The following LRRN2 variants were observed in gnomAD, a reference collection of about 807,000 sequenced individuals.
LRRN2 encodes leucine rich repeat neuronal 2.
Under a neutral mutation model 35.7 loss-of-function variants are expected in LRRN2, and 10 were observed. That is an observed-to-expected ratio of 0.28 (90% CI 0.17 to 0.47). The LOEUF (loss-of-function observed/expected upper bound fraction) is 0.47, where lower values mean the gene tolerates loss of function less well. LRRN2 is among the 20% of genes least tolerant of loss of function. LRRN2 has a pLI of 0.99. For missense variants in LRRN2, 731 were observed against 940.3 expected, an observed-to-expected ratio of 0.78 and a Z score of 2.91; for synonymous variants, 391 against 409.6, an observed-to-expected ratio of 0.95 and a Z score of 0.55.
chr1:204,631,044 T>C (rs1667678325), intron 1 of LRRN2, among the ~76,000 whole-genome samples: 1 of 151,246 alleles, frequency 6.6e-6, no homozygotes, highest in African/African-American at 2.4e-5. Flanking sequence ...CCTGGAAACT[T>C]GCTAGAAGTG....
intron 1 of LRRN2, among the ~76,000 whole-genome samples, chr1:204,629,963 TG>T (rs777517238): frequency 1.3e-5 from 2 of 152,112 alleles, no homozygotes; most frequent in South Asian, 4.2e-4. Context: ...AGAGGGTGTG[TG>T]GGGGGGTTAA....
intron 1 of LRRN2, among the ~76,000 whole-genome samples, chr1:204,659,405 G>A (rs1259593026): frequency 6.6e-6 from 1 of 152,164 alleles, no homozygotes; most frequent in African/African-American, 2.4e-5. Flanking sequence ...CATCCAGCCT[G>A]AGCACCCTGC....
intron 1 of LRRN2, among the ~76,000 whole-genome samples, chr1:204,639,159 C>T (rs1233750037): frequency 1.3e-5 from 2 of 152,208 alleles, no homozygotes; most frequent in Non-Finnish European, 2.9e-5. Context: ...GGCTTAGCAG[C>T]CCAGAGCTGT....
At chr1:204,666,233 G>A (rs12083210) in intron 1 of LRRN2, among the ~76,000 whole-genome samples, 1,631 of 152,304 alleles carry the variant, frequency 0.011, 35 homozygotes, top group African/African-American at 0.037. Context: ...GATATTGAGA[G>A]GGACATATTC....
intron 1 of LRRN2, among the ~76,000 whole-genome samples, chr1:204,657,366 A>ACACACACACACG (rs1417346759): frequency 1.3e-5 from 2 of 151,758 alleles, no homozygotes; most frequent in African/African-American, 4.8e-5. Flanking sequence ...ACACACACAC[A>ACACACACACACG]CGCATATATA....
At chr1:204,648,906 G>A (rs1285158892) in intron 1 of LRRN2, among the ~76,000 whole-genome samples, 2 of 152,184 alleles carry the variant, frequency 1.3e-5, no homozygotes, top group East Asian at 3.9e-4. Context: ...CCAGAACAGA[G>A]GCCTTTCCAC....
chr1:204,656,270 C>T lies in LRRN2; in HGVS notation c.-227+29050G>A, dbSNP rs576686573. On this transcript the variant is annotated intron_variant, in intron 1 of 1. Transcript: ENST00000367177. ...GCCTGCCCTTGGCTGTCTGCATCCACGTGTGTCAAAGATATAGTAACTGGT... is the reference window on the plus strand; with the variant it reads ...GCCTGCCCTTGGCTGTCTGCATCCATGTGTGTCAAAGATATAGTAACTGGT... 2.8e-4 allele frequency among the ~76,000 whole-genome samples: 43 copies of T among 152,228 alleles called. No homozygotes were observed. In the South Asian group the frequency reaches 5.2e-3, roughly 18 times the overall value.
chr1:204,618,448 G>GC lies in LRRN2; in HGVS notation c.1544dup (p.Arg516ProfsTer88). 1 of 1,614,186 alleles carries GC rather than the reference G, an allele frequency of 6.2e-7. No individual in the cohort carries two copies. Among genetic ancestry groups the GC allele is most frequent in the Non-Finnish European group, 8.5e-7 (1 of 1,180,006 alleles). On this transcript the variant is annotated frameshift_variant, in exon 2 of 2. Coordinates refer to ENST00000367177, the MANE Select transcript of LRRN2 (RefSeq NM_201630.2). LOFTEE classifies it high-confidence loss of function. Reference sequence around the variant, plus strand: ...CCCTGCCTGGCTGGAGGAGAGCACGGCCCACAACCACACTAACCGTCTTAG... The same window carrying GC: ...CCCTGCCTGGCTGGAGGAGAGCACGGCCCCACAACCACACTAACCGTCTTAG...
At chr1:204,632,628 C>CA (rs10719120) in intron 1 of LRRN2, among the ~76,000 whole-genome samples, 1,628 of 104,506 alleles carry the variant, frequency 0.016, 39 homozygotes, top group African/African-American at 0.055. Context: ...GACTCTGTCT[C>CA]AAAAAAAAAA....
intron 1 of LRRN2, among the ~76,000 whole-genome samples, chr1:204,659,246 G>C (rs1031727144): frequency 6.6e-6 from 1 of 152,194 alleles, no homozygotes; most frequent in Non-Finnish European, 1.5e-5. Context: ...CTGTACCTCT[G>C]TCACTATGGA....
chr1:204,650,060 G>A (rs1366760570), intron 1 of LRRN2, among the ~76,000 whole-genome samples: 1 of 152,186 alleles, frequency 6.6e-6, no homozygotes, highest in Non-Finnish European at 1.5e-5. Flanking sequence ...CCCTCCCTCT[G>A]TCCTGCCAGC....
chr1:204,636,166 T>C (rs746181062), intron 1 of LRRN2, among the ~76,000 whole-genome samples: 2 of 152,200 alleles, frequency 1.3e-5, no homozygotes, highest in East Asian at 1.9e-4. Flanking sequence ...CTGGTCATCA[T>C]AGCTACCCTG....
At position 204,620,093 on chromosome 1, in the gene LRRN2, A is replaced by T; in HGVS notation, c.-101T>A. The T allele has an allele frequency of 6.7e-7, 1 of 1,490,112 alleles. No homozygotes were observed. 92.3% of individuals were successfully genotyped at this position (1,490,112 alleles called of 1,614,324 possible). On this transcript the variant is annotated 5_prime_UTR_variant, in exon 2 of 2. Transcript: ENST00000367177. ...TCAGCAACCCTGCCAGGGCCCAAGGAACCACCCTCCCAGGGCAGTCATTCT... is the reference window on the plus strand; with the variant it reads ...TCAGCAACCCTGCCAGGGCCCAAGGTACCACCCTCCCAGGGCAGTCATTCT...
intron 1 of LRRN2, among the ~76,000 whole-genome samples, chr1:204,624,704 A>C (rs1180005721): frequency 6.7e-6 from 1 of 150,320 alleles, no homozygotes; most frequent in African/African-American, 2.5e-5. Context: ...GTGGATGCAG[A>C]GTCTCCTCTC....
At chr1:204,648,493 G>A (rs1668156260) in intron 1 of LRRN2, among the ~76,000 whole-genome samples, 1 of 152,144 alleles carries the variant, frequency 6.6e-6, no homozygotes, top group Non-Finnish European at 1.5e-5. Flanking sequence ...CCACTGAATT[G>A]AGGGATGGTA....
chr1:204,620,663 A>T (rs543487041), intron 1 of LRRN2: 1 of 169,704 alleles, frequency 5.9e-6, no homozygotes, highest in East Asian at 1.9e-4. Context: ...CTTTTCTATG[A>T]CCTGCTCACA....
intron 1 of LRRN2, among the ~76,000 whole-genome samples, chr1:204,668,384 C>T (rs192310521): frequency 1.3e-5 from 2 of 152,300 alleles, no homozygotes; most frequent in Admixed American, 1.3e-4. Context: ...CATTTGAGAA[C>T]AGGAGTTCGA....
At chr1:204,662,631 CAT>C (rs543892162) in intron 1 of LRRN2, among the ~76,000 whole-genome samples, 87 of 152,310 alleles carry the variant, frequency 5.7e-4, no homozygotes, top group African/African-American at 1.9e-3. Context: ...TTTTCACAAA[CAT>C]GTGTGAGGCA....
At chr1:204,649,839 G>A (rs1668184724) in intron 1 of LRRN2, among the ~76,000 whole-genome samples, 1 of 152,158 alleles carries the variant, frequency 6.6e-6, no homozygotes, top group Non-Finnish European at 1.5e-5. Flanking sequence ...AGGGGGTATG[G>A]GGAGAGCAAG....
Sources: gnomAD v4.1 joint callset for allele counts (sites outside exome capture counted in the v4.1 genomes callset) on GRCh38, gnomAD v4.1.1 for gene constraint, MANE v1.5 for transcripts, NCBI Gene and HGNC (gene_info 2026-07-23, HGNC 2026-07-21) for gene names.